Variants in ABLIM2 observed in about 807,000 individuals in gnomAD.
ABLIM2 encodes actin binding LIM protein family member 2, also known as actin-binding LIM protein 2.
A neutral mutation model predicts 97.7 loss-of-function variants in ABLIM2; 53 were observed. The observed-to-expected ratio is 0.54, with a 90% CI of 0.44 to 0.68. The LOEUF (loss-of-function observed/expected upper bound fraction) is 0.68. ABLIM2 is among the 30% of genes least tolerant of loss of function. The pLI is 0.00. For missense variants in ABLIM2, 835 were observed against 867.2 expected (o/e 0.96, Z 0.47); for synonymous variants, 361 against 345.8 (o/e 1.04, Z -0.49).
At chr4:7,973,282 G>A (rs974622738) in intron 20 of ABLIM2, among the ~76,000 whole-genome samples, 3 of 151,832 alleles carry the variant, frequency 2.0e-5, no homozygotes, top group Non-Finnish European at 4.4e-5. Context: ...GGGCTGAGAC[G>A]GGTAGATCAG....
rs896619389 is a variant in ABLIM2 at position 7,966,678 on chromosome 4, G to A, written c.*312C>T. On this transcript the variant is annotated 3_prime_UTR_variant, in exon 21 of 21. Transcript: ENST00000447017. Reference sequence around the variant, plus strand: ...ACCGGGGCCAGGGCACCTCGAGAACGCTGGGAAGGTGGGCTGGGCTGCAGC... The same window carrying A: ...ACCGGGGCCAGGGCACCTCGAGAACACTGGGAAGGTGGGCTGGGCTGCAGC... 9.3e-6 allele frequency: 3 copies of A among 324,176 alleles called. No individual in the cohort carries two copies. Among genetic ancestry groups the A allele is most frequent in the East Asian group, 1.1e-4 (2 of 17,534 alleles). The allele number at this position is 324,176 out of a possible 1,614,324, so 20.1% of individuals were successfully genotyped here. A position where few individuals can be genotyped will look rare whatever the true frequency, so the allele number is the denominator to read the frequency against.
At chr4:7,983,833 T>C (rs1366061924) in intron 18 of ABLIM2, among the ~76,000 whole-genome samples, 1 of 152,240 alleles carries the variant, frequency 6.6e-6, no homozygotes, top group Non-Finnish European at 1.5e-5. Context: ...GCTGTGATGC[T>C]GTCTCTCTGG....
At chr4:8,099,701 C>G (rs34067387) in intron 2 of ABLIM2, among the ~76,000 whole-genome samples, 32,018 of 151,918 alleles carry the variant, frequency 0.21, 4,132 homozygotes, top group Non-Finnish European at 0.3. Flanking sequence ...AAAAATTATC[C>G]GGGCGTGGTG....
chr4:8,029,817 G>A, intron 10 of ABLIM2, 41 bp from the exon 11 acceptor site: 2 of 1,549,404 alleles, frequency 1.3e-6, no homozygotes, highest in Non-Finnish European at 1.7e-6. Flanking sequence ...GGAGCCGGGA[G>A]CACTTCCCAC....
At position 8,061,358 on chromosome 4, in the gene ABLIM2, C is replaced by T. The variant is rs960310215; in HGVS notation, c.676-304G>A. Among the ~76,000 whole-genome samples the T allele has an allele frequency of 1.3e-5, 2 of 151,960 alleles. No individual in the cohort carries two copies. Among genetic ancestry groups the T allele is most frequent in the South Asian group, 4.2e-4 (2 of 4,818 alleles). ...GGAGGGGTCAGCCTCCTTTACCAGG[C>T]GGCATCCAGAGAGAGGTCTTGGTAT... On this transcript the variant is annotated intron_variant, in intron 6 of 20. Coordinates refer to ENST00000447017, the MANE Select transcript of ABLIM2 (RefSeq NM_001130083.2). The surrounding 1 kb of genome is among the most constrained non-coding windows in gnomAD (Gnocchi z 4.5).
At chr4:8,073,561 C>T (rs373996633) in intron 6 of ABLIM2, among the ~76,000 whole-genome samples, 66 of 151,972 alleles carry the variant, frequency 4.3e-4, no homozygotes, top group South Asian at 1.5e-3. Flanking sequence ...GAGGGAGAGG[C>T]CACGGCCCCA....
At chr4:7,976,918 TACACAC>T (rs1553885348) in intron 20 of ABLIM2, among the ~76,000 whole-genome samples, 1 of 151,158 alleles carries the variant, frequency 6.6e-6, no homozygotes, top group Non-Finnish European at 1.5e-5. Context: ...CACACACACA[TACACAC>T]ATACACACAT....
chr4:8,026,538 C>T (rs566397144), intron 12 of ABLIM2, among the ~76,000 whole-genome samples: 21 of 152,382 alleles, frequency 1.4e-4, no homozygotes, highest in African/African-American at 4.8e-4. Context: ...TCGCTGCCTG[C>T]GGCCTGGGAG....
chr4:8,120,068 C>G lies in ABLIM2; in HGVS notation c.11-13431G>C, dbSNP rs1007118264. On this transcript the variant is annotated intron_variant, in intron 1 of 20. Coordinates refer to ENST00000447017, the MANE Select transcript of ABLIM2 (RefSeq NM_001130083.2). The surrounding 1 kb of genome is among the most constrained non-coding windows in gnomAD (Gnocchi z 5.6). The stretch of plus-strand genomic sequence containing the variant: ...GGCTCTGTTCACAGAGCGACAGGCA[C>G]AGACGTCGGGCGGCAGGGTCCCTGG... Among the ~76,000 whole-genome samples the G allele has an allele frequency of 4.6e-5, 7 of 152,192 alleles. No individual in the cohort carries two copies. Among genetic ancestry groups the G allele is most frequent in the Non-Finnish European group, 1.0e-4 (7 of 68,032 alleles).
chr4:8,150,455 G>A lies in ABLIM2; in HGVS notation c.10+8225C>T, dbSNP rs981194525. Among the ~76,000 whole-genome samples the A allele has an allele frequency of 1.3e-5, 2 of 152,236 alleles. No individual in the cohort carries two copies. Among genetic ancestry groups the A allele is most frequent in the South Asian group, 2.1e-4 (1 of 4,832 alleles). ...TCGTGCCCTGAGGACAGACGCCAGC[G>A]AGGACAGAGGCAGCATGCTAGCCGC... On this transcript the variant is annotated intron_variant, in intron 1 of 20. Coordinates refer to ENST00000447017, the MANE Select transcript of ABLIM2 (RefSeq NM_001130083.2). This position sits in a 1 kb window ranked among gnomAD's most constrained non-coding sequence, Gnocchi z 6.3.
intron 12 of ABLIM2, among the ~76,000 whole-genome samples, chr4:8,025,206 G>C (rs1776532652): frequency 6.6e-6 from 1 of 152,216 alleles, no homozygotes; most frequent in Non-Finnish European, 1.5e-5. Context: ...GGGATTACAG[G>C]GGTGAGCCAC....
chr4:8,045,206 G>A lies in ABLIM2; in HGVS notation c.858C>T (p.Val286=), dbSNP rs781020438. The change falls in exon 9 of 21, where the codon GTC becomes GTT. Residue 286 remains valine, a synonymous_variant. Coordinates refer to ENST00000447017, the MANE Select transcript of ABLIM2 (RefSeq NM_001130083.2). ...GAGACCCTGAGGTGCTGGAAGCAGG[G>A]ACAGAAATGATGCTCTCTGAGGAAG... ...TRTSSESIIS[V]PASSTSGSPS... The A allele has an allele frequency of 6.2e-7, 1 of 1,613,986 alleles. No individual in the cohort carries two copies. The highest frequency in any genetic ancestry group is 2.2e-5 in the East Asian group (1 of 44,874).
At chr4:8,027,696 G>T in intron 12 of ABLIM2, 63 bp downstream of exon 12, 1 of 1,323,076 alleles carries the variant, frequency 7.6e-7, no homozygotes, top group Non-Finnish European at 1.0e-6. Flanking sequence ...TGGACAGCGA[G>T]CACACAGACG....
chr4:7,973,009 G>C (rs1164832795), intron 20 of ABLIM2, among the ~76,000 whole-genome samples: 2 of 150,996 alleles, frequency 1.3e-5, no homozygotes, highest in Non-Finnish European at 2.9e-5. Flanking sequence ...TGTGCATTTG[G>C]CCTCAGGGCC....
In ABLIM2 at chr4:8,097,229, T is replaced by C; in HGVS notation, c.208A>G (p.Ile70Val). The stretch of plus-strand genomic sequence containing the variant: ...AGCCTCTGGTAGTCCAGCGTGCAGA[T>C]GTACTCGCCCTGCCGCACGAAGAAG... The part of the protein sequence containing the change: ...GGFFVRQGEY[I>V]CTLDYQRLYG... The change falls in exon 3 of 21, where the codon ATC (isoleucine) becomes GTC (valine). Residue 70 changes from isoleucine to valine, a missense_variant. Coordinates refer to ENST00000447017, the MANE Select transcript of ABLIM2 (RefSeq NM_001130083.2). 1.3e-6 allele frequency: 2 copies of C among 1,579,718 alleles called. No homozygotes were observed. The highest frequency in any genetic ancestry group is 1.7e-6 in the Non-Finnish European group (2 of 1,164,010).
rs1396804916 is a variant in ABLIM2, at chr4:8,005,820, T to C, written c.1618+2239A>G. On this transcript the variant is annotated intron_variant, in intron 16 of 20. Coordinates refer to ENST00000447017, the MANE Select transcript of ABLIM2 (RefSeq NM_001130083.2). The surrounding 1 kb of genome is among the most constrained non-coding windows in gnomAD (Gnocchi z 4.9). ...AGGAGAAAGCGAAGGAAGGACAGCA[T>C]CATAGCCACATCTTCATAAGCAGGC... 1.3e-5 allele frequency among the ~76,000 whole-genome samples: 2 copies of C among 152,186 alleles called. No homozygotes were observed. Among genetic ancestry groups the C allele is most frequent in the South Asian group, 2.1e-4 (1 of 4,828 alleles).
chr4:8,107,003 G>A (rs1050185250), intron 1 of ABLIM2, among the ~76,000 whole-genome samples: 6 of 152,202 alleles, frequency 3.9e-5, no homozygotes, highest in Non-Finnish European at 8.8e-5. Flanking sequence ...CCTTAACCTG[G>A]CACGACCTTA....
chr4:7,993,121 G>A (rs1032539894), intron 16 of ABLIM2, among the ~76,000 whole-genome samples, 194 bp from the exon 17 acceptor site: 6 of 152,162 alleles, frequency 3.9e-5, no homozygotes, highest in Non-Finnish European at 8.8e-5. Flanking sequence ...AGCCACAGAG[G>A]GGTAATGTCC....
intron 6 of ABLIM2, among the ~76,000 whole-genome samples, chr4:8,077,095 G>T (rs1816719663): frequency 6.6e-6 from 1 of 151,938 alleles, no homozygotes; most frequent in South Asian, 2.1e-4. Context: ...GGTCCTAGTT[G>T]CCCCATGGGA....
Sources: allele counts gnomAD v4.1 joint callset (sites outside exome capture counted in the v4.1 genomes callset), GRCh38; gene constraint gnomAD v4.1.1; non-coding constraint Gnocchi (gnomAD v3.1); transcripts MANE v1.5; gene names NCBI Gene and HGNC (gene_info 2026-07-23, HGNC 2026-07-21).